The following CSGALNACT1 variants were observed in gnomAD, a reference collection of about 807,000 sequenced individuals.
CSGALNACT1 encodes chondroitin sulfate N-acetylgalactosaminyltransferase 1, also known as beta4GalNAcT-1.
CSGALNACT1 carries 52 observed loss-of-function variants against 51.0 expected under a neutral mutation model. The observed-to-expected ratio is 1.02, with a 90% CI of 0.82 to 1.29. The LOEUF (loss-of-function observed/expected upper bound fraction) is 1.29. Ranked by LOEUF, CSGALNACT1 falls within the 50% of genes most tolerant of loss-of-function variation. The pLI is 0.00. For missense variants in CSGALNACT1, 935 were observed against 679.2 expected (o/e 1.38, Z -4.19); for synonymous variants, 341 against 254.4 (o/e 1.34, Z -3.24).
At chr8:19,687,628 T>C (rs1276790889) in intron 1 of CSGALNACT1, among the ~76,000 whole-genome samples, 1 of 152,210 alleles carries the variant, frequency 6.6e-6, no homozygotes, top group African/African-American at 2.4e-5. Flanking sequence ...ATATCAACCA[T>C]TTCTCACATG....
At chr8:19,475,571 A>T (rs911927642) in intron 4 of CSGALNACT1, among the ~76,000 whole-genome samples, 12 of 152,304 alleles carry the variant, frequency 7.9e-5, no homozygotes, top group Non-Finnish European at 1.8e-4. Flanking sequence ...ACAGACACAA[A>T]CACAGACACA....
rs1219857360 is a variant in CSGALNACT1, at chr8:19,452,420, A to G, written c.851+6006T>C. ...TACTTGTGAACTAACCCCTGGGGGAAAAAAAAAAAAAGCAGGGAAGGGGAG... is the reference window on the plus strand; with the variant it reads ...TACTTGTGAACTAACCCCTGGGGGAGAAAAAAAAAAAGCAGGGAAGGGGAG... On this transcript the variant is annotated intron_variant, in intron 5 of 9. Coordinates refer to ENST00000454498, the Ensembl canonical transcript of CSGALNACT1. 3.8e-3 allele frequency among the ~76,000 whole-genome samples: 171 copies of G among 45,482 alleles called. No homozygotes were observed. The East Asian group carries it at 0.1, about 27-fold the overall frequency. The allele number at this position is 45,482 out of a possible 152,430, so 29.8% of individuals were successfully genotyped here.
chr8:19,743,916 A>G (rs1300518284), intron 1 of CSGALNACT1, among the ~76,000 whole-genome samples: 1 of 152,160 alleles, frequency 6.6e-6, no homozygotes, highest in Non-Finnish European at 1.5e-5. Context: ...TGAATCCTTC[A>G]TCAAATTTTT....
At chr8:19,613,280 T>C (rs548693676) in intron 1 of CSGALNACT1, among the ~76,000 whole-genome samples, 56 of 152,328 alleles carry the variant, frequency 3.7e-4, no homozygotes, top group African/African-American at 1.3e-3. Flanking sequence ...TTTATGTTTC[T>C]ATTTAGTGCT....
At chr8:19,527,430 C>A (rs967408241) in intron 3 of CSGALNACT1, among the ~76,000 whole-genome samples, 2 of 151,938 alleles carry the variant, frequency 1.3e-5, no homozygotes, top group Non-Finnish European at 2.9e-5. Flanking sequence ...GTGAACCAAC[C>A]CCGCCCCTCC....
chr8:19,445,835 G>T (rs1447469001), intron 5 of CSGALNACT1, among the ~76,000 whole-genome samples: 1 of 152,188 alleles, frequency 6.6e-6, no homozygotes. Context: ...GAGTGTGTAT[G>T]TGAGTGAATG....
intron 2 of CSGALNACT1, among the ~76,000 whole-genome samples, chr8:19,600,951 T>C (rs748066433): frequency 1.3e-5 from 2 of 152,166 alleles, no homozygotes; most frequent in Non-Finnish European, 2.9e-5. Context: ...TATTTTCATT[T>C]TTATGCCTAT....
At chr8:19,565,477 A>G (rs1380139781) in intron 3 of CSGALNACT1, among the ~76,000 whole-genome samples, 1 of 152,254 alleles carries the variant, frequency 6.6e-6, no homozygotes, top group Non-Finnish European at 1.5e-5. Flanking sequence ...TCAGGTAGTT[A>G]GAGATATCTT....
chr8:19,553,645 AT>A (rs1462600857), intron 3 of CSGALNACT1, among the ~76,000 whole-genome samples: 3 of 145,360 alleles, frequency 2.1e-5, no homozygotes, highest in Non-Finnish European at 4.5e-5. Context: ...ATATAAAAAA[AT>A]ATGTCAGCCT....
chr8:19,683,738 T>G (rs1589499178), upstream of CSGALNACT1, among the ~76,000 whole-genome samples: 2 of 152,342 alleles, frequency 1.3e-5, no homozygotes, highest in African/African-American at 4.8e-5. Flanking sequence ...AAAGGATTTT[T>G]TCTACAGCTT....
At chr8:19,709,449 A>G (rs2062372218) in intron 1 of CSGALNACT1, among the ~76,000 whole-genome samples, 1 of 152,224 alleles carries the variant, frequency 6.6e-6, no homozygotes, top group South Asian at 2.1e-4. Context: ...GCAAGGAAAT[A>G]AGTAGGATGT....
intron 5 of CSGALNACT1, among the ~76,000 whole-genome samples, chr8:19,443,499 C>G (rs1255290316): frequency 6.6e-6 from 1 of 152,106 alleles, no homozygotes; most frequent in Non-Finnish European, 1.5e-5. Flanking sequence ...ATGGGGAGGT[C>G]TCACAATCAT....
intron 1 of CSGALNACT1, among the ~76,000 whole-genome samples, chr8:19,724,634 C>T (rs2063296952): frequency 6.6e-6 from 1 of 152,218 alleles, no homozygotes; most frequent in South Asian, 2.1e-4. Context: ...ACATGGCCGC[C>T]TTTGGGAGAC....
In CSGALNACT1 at chr8:19,519,597, G is replaced by A. The variant is rs534609229; in HGVS notation, c.-296-13467C>T. Among the ~76,000 whole-genome samples the A allele has an allele frequency of 3.9e-5, 6 of 152,286 alleles. No homozygotes were observed. In the South Asian group the frequency reaches 8.3e-4, roughly 21 times the overall value. On this transcript the variant is annotated intron_variant, in intron 3 of 9. Coordinates refer to ENST00000454498, the Ensembl canonical transcript of CSGALNACT1. ...AATCACTGGTGCCGATAGCTGTCTC[G>A]TGAAGTGCCAAATCATGCTTTGATC...
At chr8:19,673,407 TTCA>T (rs1478868752) in intron 1 of CSGALNACT1, among the ~76,000 whole-genome samples, 3 of 152,132 alleles carry the variant, frequency 2.0e-5, no homozygotes. Flanking sequence ...CTCTTTATCA[TTCA>T]TCATCATGAG....
Position 19,666,809 on chromosome 8 carries a change from A to AAGAAAGAG in CSGALNACT1, c.-544+15663_-544+15664insCTCTTTCT, listed in dbSNP as rs1564383214. ...AAAGAAAGAAAGAAAGAAAGAAAGA[A>AAGAAAGAG]AGAGAGAGAGAGAGAGAGAGAGAGA... On this transcript the variant is annotated intron_variant, in intron 1 of 9. Transcript: ENST00000332246. 6.4e-3 allele frequency among the ~76,000 whole-genome samples: 160 copies of AAGAAAGAG among 25,088 alleles called. 7 individuals are homozygous for AAGAAAGAG. Among genetic ancestry groups the AAGAAAGAG allele is most frequent in the Middle Eastern group, 0.019 (1 of 52 alleles). The allele number at this position is 25,088 out of a possible 152,430, so 16.5% of individuals were successfully genotyped here.
chr8:19,614,385 C>T (rs547030897), intron 1 of CSGALNACT1, among the ~76,000 whole-genome samples: 1 of 152,272 alleles, frequency 6.6e-6, no homozygotes, highest in African/African-American at 2.4e-5. Flanking sequence ...CCTCATAACA[C>T]AATGTTTAAA....
intron 1 of CSGALNACT1, among the ~76,000 whole-genome samples, chr8:19,662,058 GCCCCCACCCCCCCCCACCCCC>G (rs1292798940): frequency 1.2e-4 from 4 of 33,926 alleles, no homozygotes; most frequent in South Asian, 2.3e-3. Context: ...TATTACAGTT[GCCCCCACCCCCCCCCACCCCC>G]CCCCCCCCCC....
At chr8:19,705,931 G>A (rs938544168) in intron 1 of CSGALNACT1, among the ~76,000 whole-genome samples, 3 of 152,042 alleles carry the variant, frequency 2.0e-5, no homozygotes, top group Non-Finnish European at 2.9e-5. Context: ...TCATTTCCTC[G>A]ATTATCTTCA....
Sources: gnomAD v4.1 joint callset for allele counts (sites outside exome capture counted in the v4.1 genomes callset) on GRCh38, gnomAD v4.1.1 for gene constraint, MANE v1.5 for transcripts, NCBI Gene and HGNC (gene_info 2026-07-23, HGNC 2026-07-21) for gene names.